The following CYP7B1 variants were observed in gnomAD, a reference collection of about 807,000 sequenced individuals.
CYP7B1 encodes the protein cytochrome P450 7B1.
CYP7B1 carries 29 observed loss-of-function variants against 42.7 expected under a neutral mutation model. The ratio of observed to expected loss-of-function variants is 0.68; its 90% confidence interval spans 0.51 to 0.93. The LOEUF is 0.93. Among genes scored for constraint, CYP7B1 ranks in the 40% least tolerant of loss-of-function variants. The probability of loss-of-function intolerance (pLI) is 0.00; values close to 1 mark genes in which losing one functional copy is unlikely to be tolerated. For missense variants in CYP7B1, 655 were observed against 600.5 expected, an observed-to-expected ratio of 1.09 and a Z score of -0.95; for synonymous variants, 235 against 218.2, an observed-to-expected ratio of 1.08 and a Z score of -0.68.
chr8:64,704,343 T>C (rs560029465), intron 1 of CYP7B1, among the ~76,000 whole-genome samples: 46 of 152,212 alleles, frequency 3.0e-4, no homozygotes, highest in Non-Finnish European at 5.7e-4. Context: ...CAATATCTGG[T>C]AGATGAATAA....
At chr8:64,679,708 T>A (rs574875210) in intron 1 of CYP7B1, among the ~76,000 whole-genome samples, 8 of 152,290 alleles carry the variant, frequency 5.3e-5, no homozygotes, top group Admixed American at 3.3e-4. Flanking sequence ...TGTGACTGCT[T>A]TTAAACTGCT....
At chr8:64,757,863 G>A (rs1353268826) in intron 1 of CYP7B1, among the ~76,000 whole-genome samples, 1 of 152,202 alleles carries the variant, frequency 6.6e-6, no homozygotes, top group African/African-American at 2.4e-5. Flanking sequence ...GGGAATCTGT[G>A]CATGCATGCT....
intron 1 of CYP7B1, among the ~76,000 whole-genome samples, chr8:64,779,940 C>T (rs1250366170): frequency 1.3e-5 from 2 of 152,058 alleles, no homozygotes; most frequent in Middle Eastern, 3.2e-3. Context: ...AAGTCCAGTA[C>T]CTAAACCTAA....
intron 1 of CYP7B1, among the ~76,000 whole-genome samples, chr8:64,710,874 T>C (rs1219854975): frequency 3.3e-5 from 5 of 151,502 alleles, no homozygotes; most frequent in African/African-American, 1.2e-4. Flanking sequence ...TATTTGAAAA[T>C]ACATAAAATA....
intron 1 of CYP7B1, among the ~76,000 whole-genome samples, chr8:64,731,617 A>T (rs185725580): frequency 1.2e-3 from 180 of 152,340 alleles, no homozygotes; most frequent in Admixed American, 2.5e-3. Context: ...AATTTGCGTA[A>T]GTACCAAGGA....
intron 1 of CYP7B1, among the ~76,000 whole-genome samples, chr8:64,637,212 C>A (rs1344527795): frequency 6.6e-6 from 1 of 152,112 alleles, no homozygotes; most frequent in African/African-American, 2.4e-5. Context: ...AATAATCAAG[C>A]ACAGCTTATC....
At chr8:64,670,574 A>T (rs553085055) in intron 1 of CYP7B1, among the ~76,000 whole-genome samples, 87 of 152,270 alleles carry the variant, frequency 5.7e-4, no homozygotes, top group African/African-American at 2.1e-3. Context: ...ATCCAAGAGG[A>T]CCATAACTCA....
chr8:64,710,076 C>T (rs1807058888), intron 1 of CYP7B1, among the ~76,000 whole-genome samples: 1 of 152,096 alleles, frequency 6.6e-6, no homozygotes, highest in African/African-American at 2.4e-5. Context: ...AGTAGAGAGT[C>T]ACAGCAGATT....
At chr8:64,714,390 T>C (rs762224693) in intron 1 of CYP7B1, among the ~76,000 whole-genome samples, 2 of 152,204 alleles carry the variant, frequency 1.3e-5, no homozygotes, top group Non-Finnish European at 2.9e-5. Flanking sequence ...ATTCAAACCA[T>C]TGTGACCCGC....
intron 1 of CYP7B1, among the ~76,000 whole-genome samples, chr8:64,759,663 T>C (rs1452016172): frequency 6.6e-6 from 1 of 152,192 alleles, no homozygotes; most frequent in Non-Finnish European, 1.5e-5. Context: ...GAATGGGTCA[T>C]TGAGATCATG....
chr8:64,628,998 T>C (rs1301826093), intron 1 of CYP7B1, among the ~76,000 whole-genome samples: 1 of 151,836 alleles, frequency 6.6e-6, no homozygotes, highest in Non-Finnish European at 1.5e-5. Context: ...GAGGCTGAGG[T>C]GGGCGGATCA....
chr8:64,606,246 G>A (rs1805278045), intron 4 of CYP7B1, among the ~76,000 whole-genome samples: 1 of 152,166 alleles, frequency 6.6e-6, no homozygotes, highest in Admixed American at 6.5e-5. Context: ...TTTGGTTTTG[G>A]AACATGGGCT....
chr8:64,702,503 T>C (rs1806932436), intron 1 of CYP7B1, among the ~76,000 whole-genome samples: 1 of 152,066 alleles, frequency 6.6e-6, no homozygotes, highest in Non-Finnish European at 1.5e-5. Context: ...TGTTTATCAA[T>C]TAAAGTGATA....
At chr8:64,682,220 T>C (rs1294970027) in intron 1 of CYP7B1, among the ~76,000 whole-genome samples, 1 of 152,030 alleles carries the variant, frequency 6.6e-6, no homozygotes, top group Non-Finnish European at 1.5e-5. Context: ...GCCAGAGTAA[T>C]AGGGTGCAGT....
At chr8:64,659,468 A>G (rs762044115) in intron 1 of CYP7B1, among the ~76,000 whole-genome samples, 5 of 152,164 alleles carry the variant, frequency 3.3e-5, no homozygotes, top group African/African-American at 1.2e-4. Flanking sequence ...AACATATACA[A>G]TGCTCTTAGA....
chr8:64,761,653 C>T (rs1807893078), intron 1 of CYP7B1, among the ~76,000 whole-genome samples: 1 of 152,138 alleles, frequency 6.6e-6, no homozygotes, highest in African/African-American at 2.4e-5. Context: ...GTGCCGGACA[C>T]ATTCTTTGGG....
At chr8:64,670,508 T>A (rs1048376130) in intron 1 of CYP7B1, among the ~76,000 whole-genome samples, 1 of 151,748 alleles carries the variant, frequency 6.6e-6, no homozygotes, top group South Asian at 2.1e-4. Flanking sequence ...TAACACTGAG[T>A]ACAAAATAGC....
intron 1 of CYP7B1, among the ~76,000 whole-genome samples, chr8:64,714,773 T>C (rs570589707): frequency 2.8e-5 from 4 of 140,810 alleles, no homozygotes; most frequent in East Asian, 1.9e-4. Context: ...CACACAATGA[T>C]GGTGAGATTT....
intron 1 of CYP7B1, among the ~76,000 whole-genome samples, chr8:64,646,135 A>C (rs1805950455): frequency 6.6e-6 from 1 of 152,170 alleles, no homozygotes; most frequent in Non-Finnish European, 1.5e-5. Context: ...GGACATAGGC[A>C]TGGGCAAGGA....
Sources: allele counts gnomAD v4.1 joint callset (sites outside exome capture counted in the v4.1 genomes callset), GRCh38; gene constraint gnomAD v4.1.1; transcripts MANE v1.5; gene names NCBI Gene and HGNC (gene_info 2026-07-23, HGNC 2026-07-21).